CENPN: variants seen among roughly 807,000 people sequenced by gnomAD.
CENPN encodes centromere protein N.
In CENPN, 36 loss-of-function variants were observed where a neutral mutation model predicts 48.6. The ratio of observed to expected loss-of-function variants is 0.74; its 90% CI spans 0.57 to 0.98. The LOEUF (loss-of-function observed/expected upper bound fraction) is 0.98, where lower values mean the gene tolerates loss of function less well. Among genes scored for constraint, CENPN ranks in the 50% least tolerant of loss-of-function variants. The pLI, the probability that CENPN is intolerant of heterozygous loss-of-function variation, is 0.00. For synonymous variants in CENPN, 166 were observed against 135.2 expected (o/e 1.23, Z -1.58); for missense variants, 439 against 399.2 (o/e 1.10, Z -0.85).
chr16:81,013,283 TAC>T (rs987001077), intron 2 of CENPN, among the ~76,000 whole-genome samples: 29 of 152,274 alleles, frequency 1.9e-4, no homozygotes, highest in African/African-American at 6.5e-4. Context: ...AAAAAATGAG[TAC>T]ACACTTATGT....
chr16:81,028,789 C>T lies in CENPN; in HGVS notation c.*138C>T. ...GGTATTGAATTTTTAGAAATGCTCA[C>T]ATAATTGTTGGGACTGATTCATTCC... On this transcript the variant is annotated 3_prime_UTR_variant, in exon 11 of 11. Coordinates refer to ENST00000305850, the MANE Select transcript of CENPN (RefSeq NM_001100624.3). 4 of 1,434,708 alleles carry T rather than the reference C, an allele frequency of 2.8e-6. No individual in the cohort carries two copies. Among genetic ancestry groups the T allele is most frequent in the Non-Finnish European group, 3.6e-6 (4 of 1,098,210 alleles). 88.9% of individuals were successfully genotyped at this position (1,434,708 alleles called of 1,614,324 possible).
rs773145426 is a variant in CENPN, at chr16:81,030,108, G to C, written c.*1457G>C. ...CCATGAGAATAGTATGGGGGAAATC[G>C]TTCCCATGACTCAAGTATCTCCACC... On this transcript the variant is annotated 3_prime_UTR_variant, in exon 11 of 11. Coordinates refer to ENST00000305850, the MANE Select transcript of CENPN (RefSeq NM_001100624.3). The C allele has an allele frequency of 4.5e-6, 3 of 673,016 alleles. No homozygotes were observed. Among genetic ancestry groups the C allele is most frequent in the Middle Eastern group, 7.4e-4 (1 of 1,346 alleles). 41.7% of individuals were successfully genotyped at this position (673,016 alleles called of 1,614,324 possible). A position where few individuals can be genotyped will look rare whatever the true frequency, so the allele number is the denominator to read the frequency against.
chr16:81,011,270 C>T (rs1460521738), intron 1 of CENPN, among the ~76,000 whole-genome samples: 1 of 152,226 alleles, frequency 6.6e-6, no homozygotes, highest in East Asian at 1.9e-4. Flanking sequence ...TGCCTACTCT[C>T]TCCAGCACTC....
chr16:81,029,241 C>G lies in CENPN; in HGVS notation c.*590C>G, dbSNP rs548305052. On this transcript the variant is annotated 3_prime_UTR_variant, in exon 11 of 11. Coordinates refer to ENST00000305850, the MANE Select transcript of CENPN (RefSeq NM_001100624.3). ...TTGTAAATATGATACTTCTCATAAT[C>G]TATTTTATCATGTGTATAACATTCA... 6 of 920,248 alleles carry G rather than the reference C, an allele frequency of 6.5e-6. No homozygotes were observed. The highest frequency in any genetic ancestry group is 5.0e-5 in the South Asian group (1 of 19,906). The allele number at this position is 920,248 out of a possible 1,614,324, so 57.0% of individuals were successfully genotyped here. A position where few individuals can be genotyped will look rare whatever the true frequency, so the allele number is the denominator to read the frequency against.
chr16:81,016,322 C>G (rs543053867), intron 3 of CENPN, among the ~76,000 whole-genome samples: 31 of 152,306 alleles, frequency 2.0e-4, no homozygotes, highest in African/African-American at 7.5e-4. Context: ...TAGTGAGACC[C>G]TGTCTCTTAG....
chr16:81,022,452 C>A (rs1030383652), intron 6 of CENPN, 145 bp from the exon 7 acceptor site: 1 of 653,796 alleles, frequency 1.5e-6, no homozygotes, highest in Non-Finnish European at 2.6e-6. Flanking sequence ...AGCTCAGTAA[C>A]AGGCTATCAG....
chr16:81,022,052 C>T (rs1002420235), intron 6 of CENPN, among the ~76,000 whole-genome samples: 6 of 152,216 alleles, frequency 3.9e-5, no homozygotes, highest in African/African-American at 2.4e-5. Context: ...AGCCACTGCG[C>T]GGACTAATGT....
chr16:81,022,959 C>T (rs1383432715), intron 7 of CENPN: 3 of 1,316,310 alleles, frequency 2.3e-6, no homozygotes, highest in Non-Finnish European at 3.1e-6. Flanking sequence ...ATCACCTGAT[C>T]ACACTAGAAT....
chr16:81,019,913 T>A (rs12445572), intron 5 of CENPN, among the ~76,000 whole-genome samples, 187 bp from the exon 6 acceptor site: 38,926 of 149,682 alleles, frequency 0.26, 5,260 homozygotes, highest in East Asian at 0.41. Flanking sequence ...TTTTTTTTTT[T>A]TAAAATCACA....
chr16:81,007,615 G>T (rs1190390921), intron 1 of CENPN, among the ~76,000 whole-genome samples: 3 of 152,176 alleles, frequency 2.0e-5, no homozygotes, highest in Non-Finnish European at 4.4e-5. Context: ...TTGGGGTTTT[G>T]CTTTTCTGTC....
intron 4 of CENPN, 86 bp downstream of exon 4, chr16:81,017,471 C>A: frequency 1.1e-6 from 1 of 887,950 alleles, no homozygotes; most frequent in Non-Finnish European, 1.9e-6. Flanking sequence ...GATTGCACCA[C>A]TGCACTCCAG....
At chr16:81,028,003 C>T (rs1396437475) in intron 9 of CENPN, among the ~76,000 whole-genome samples, 168 bp from the exon 10 acceptor site, 1 of 152,218 alleles carries the variant, frequency 6.6e-6, no homozygotes, top group Admixed American at 6.5e-5. Flanking sequence ...CTTTGCCCGA[C>T]CTGCCCTCTA....
chr16:81,026,904 C>A (rs1306012756), intron 9 of CENPN, among the ~76,000 whole-genome samples: 2 of 152,158 alleles, frequency 1.3e-5, no homozygotes, highest in Admixed American at 1.3e-4. Context: ...AATTCTCCTG[C>A]CTCAGCCTCC....
rs763647933 is a variant in CENPN, at chr16:81,028,235, G to A, written c.875G>A (p.Arg292Gln). The change falls in exon 10 of 11, where the codon CGA (arginine) becomes CAA (glutamine). Residue 292 changes from arginine to glutamine, a missense_variant. Arg to Gln is a conservative substitution (Grantham distance 43, BLOSUM62 1). Coordinates refer to ENST00000305850, the MANE Select transcript of CENPN (RefSeq NM_001100624.3). The part of the protein sequence containing the change: ...SILAEREEPL[R>Q]CLIKFSSPHL... ...TTGGCTGAGAGGGAAGAACCCCTCCGATGCCTAATAAAGTTCTCTAGCCCA... is the reference window on the plus strand; with the variant it reads ...TTGGCTGAGAGGGAAGAACCCCTCCAATGCCTAATAAAGTTCTCTAGCCCA... 4.3e-6 allele frequency: 7 copies of A among 1,613,518 alleles called. No homozygotes were observed. The highest frequency in any genetic ancestry group is 3.3e-5 in the Admixed American group (2 of 60,002).
Position 81,014,122 on chromosome 16 carries a change from G to C in CENPN, c.172-14G>C. 6.2e-7 allele frequency: 1 copy of C among 1,610,948 alleles called. No homozygotes were observed. ...TATAACCACAGTTACTAAATAATTT[G>C]TTTTCTCTTTTAGGAAAAGCGTGCA... On this transcript the variant is annotated splice_polypyrimidine_tract_variant and intron_variant, in intron 2 of 10. Coordinates refer to ENST00000305850, the MANE Select transcript of CENPN (RefSeq NM_001100624.3).
chr16:81,011,717 C>T (rs2549878), intron 1 of CENPN, among the ~76,000 whole-genome samples: 147,607 of 152,302 alleles, frequency 0.97, 71,688 homozygotes, highest in Middle Eastern at 1. Flanking sequence ...AATATGATGC[C>T]GATGGCCAGG....
At chr16:81,017,282 AG>A in intron 3 of CENPN, 43 bp from the exon 4 acceptor site, 1 of 1,301,610 alleles carries the variant, frequency 7.7e-7, no homozygotes, top group Middle Eastern at 1.9e-4. Flanking sequence ...ATTACTTCAA[AG>A]TTCTATGATA....
At chr16:81,024,814 A>G (rs1424825031) in intron 8 of CENPN, 36 bp downstream of exon 8, 2 of 1,319,688 alleles carry the variant, frequency 1.5e-6, no homozygotes, top group Non-Finnish European at 2.2e-6. Context: ...AATTTTGGAA[A>G]TGCATCATTC....
chr16:81,024,787 G>C lies in CENPN; in HGVS notation c.697+9G>C. ...TGGACTAGATATAAATAGTACGTGTGTGTTAATATGAAACTGAATTTTGGA... is the reference window on the plus strand; with the variant it reads ...TGGACTAGATATAAATAGTACGTGTCTGTTAATATGAAACTGAATTTTGGA... On this transcript the variant is annotated intron_variant, in intron 8 of 10. Coordinates refer to ENST00000305850, the MANE Select transcript of CENPN (RefSeq NM_001100624.3). The C allele has an allele frequency of 6.3e-7, 1 of 1,579,290 alleles. No homozygotes were observed. The highest frequency in any genetic ancestry group is 8.7e-7 in the Non-Finnish European group (1 of 1,154,966).
Sources: allele counts gnomAD v4.1 joint callset (sites outside exome capture counted in the v4.1 genomes callset), GRCh38; gene constraint gnomAD v4.1.1; transcripts MANE v1.5; gene names NCBI Gene and HGNC (gene_info 2026-07-23, HGNC 2026-07-21).